Variants in SI observed in about 807,000 individuals in gnomAD.
The protein encoded by SI is sucrase-isomaltase, intestinal.
In SI, 235 loss-of-function variants were observed where a neutral mutation model predicts 253.3. That is an observed-to-expected ratio of 0.93 (90% CI 0.83 to 1.03). SI has a LOEUF of 1.03. SI is among the 50% of genes least tolerant of loss of function. SI has a pLI of 0.00. For synonymous variants in SI, 819 were observed against 712.0 expected (o/e 1.15, Z -2.39); for missense variants, 2,442 against 2,211.1 (o/e 1.10, Z -2.09).
At chr3:165,089,944 T>C in the SI span, among the ~76,000 whole-genome samples, 4 of 151,728 alleles carry the variant, frequency 2.6e-5, no homozygotes, top group South Asian at 2.1e-4. Context: ...AAGACAGAGA[T>C]TGAGGCAAGA....
chr3:164,985,000 A>G (rs1306714084), intron 45 of SI, among the ~76,000 whole-genome samples: 1 of 152,182 alleles, frequency 6.6e-6, no homozygotes, highest in Non-Finnish European at 1.5e-5. Context: ...ATATACTGAT[A>G]TTGTGAAACA....
intron 2 of SI, 59 bp downstream of exon 2, chr3:165,075,836 T>G: frequency 1.0e-6 from 1 of 990,436 alleles, no homozygotes. Context: ...ATAACTATTG[T>G]GGAGTAACTT....
intron 13 of SI, 122 bp downstream of exon 13, chr3:165,055,072 T>C (rs932163771): frequency 9.3e-6 from 6 of 647,742 alleles, no homozygotes; most frequent in African/African-American, 3.6e-5. Flanking sequence ...AAAAACATTA[T>C]AGTAGCTTTA....
chr3:165,051,046 A>T (rs1341650677), intron 13 of SI, among the ~76,000 whole-genome samples: 5 of 152,064 alleles, frequency 3.3e-5, no homozygotes, highest in Non-Finnish European at 7.4e-5. Flanking sequence ...TTTTTTAAAC[A>T]CATGTAATGG....
At chr3:165,047,351 T>C (rs192990879) in intron 15 of SI, among the ~76,000 whole-genome samples, 157 of 152,104 alleles carry the variant, frequency 1.0e-3, no homozygotes, top group African/African-American at 3.5e-3. Flanking sequence ...TCTCCTTGTC[T>C]TCTGCCATGA....
rs749129647 is a variant in SI at position 164,983,019 on chromosome 3, G to A, written c.5230C>T (p.Gln1744Ter). The A allele has an allele frequency of 6.5e-7, 1 of 1,546,788 alleles. No individual in the cohort carries two copies. Among genetic ancestry groups the A allele is most frequent in the Non-Finnish European group, 8.9e-7 (1 of 1,127,790 alleles). The change falls in exon 46 of 48, where the codon CAA (glutamine) becomes TAA (stop). Residue 1744 changes from glutamine to a stop codon, truncating the protein, a stop_gained. Transcript: ENST00000264382. LOFTEE classifies it high-confidence loss of function. ...TTACATACCTGGTTTAAATTAAATT[G>A]TACAGATAAATATAGGTCTCTTTCA... is the stretch of plus-strand genomic sequence containing the variant. ...TYERDLYLSVQFNLNQTTLTS... is the reference protein window; with the variant it reads ...TYERDLYLSV
rs1214759489 is a variant in SI, at chr3:165,007,725, GAA to G, written c.4267+184_4267+185del. ...GTGGTCCAGTGTGTGGGTGGGTAGT[GAA>G]AATTGGGTGTGTGAATCCTATTCCC... is the stretch of plus-strand genomic sequence containing the variant. On this transcript the variant is annotated intron_variant, in intron 36 of 47. Coordinates refer to ENST00000264382, the MANE Select transcript of SI (RefSeq NM_001041.4). Among the ~76,000 whole-genome samples, 11 of 150,762 alleles carry G rather than the reference GAA, an allele frequency of 7.3e-5. No individual in the cohort carries two copies. The South Asian group carries it at 2.3e-3, about 31-fold the overall frequency.
intron 45 of SI, among the ~76,000 whole-genome samples, chr3:164,986,333 GCCTAGAAATGTTA>G (rs1407747103): frequency 6.6e-6 from 1 of 152,108 alleles, no homozygotes. Context: ...TAGCTATAAA[GCCTAGAAATGTTA>G]CTCTCTTTTC....
chr3:164,999,369 T>C (rs1451643685), intron 37 of SI, among the ~76,000 whole-genome samples: 1 of 151,780 alleles, frequency 6.6e-6, no homozygotes, highest in Non-Finnish European at 1.5e-5. Flanking sequence ...ATCTGTTTTC[T>C]TCTATCTCCC....
chr3:165,036,370 G>T lies in SI; in HGVS notation c.2515+19C>A. 1.9e-6 allele frequency: 3 copies of T among 1,540,368 alleles called. No individual in the cohort carries two copies. In the South Asian group the frequency reaches 3.3e-5, roughly 17 times the overall value. On this transcript the variant is annotated intron_variant, in intron 22 of 47. Transcript: ENST00000264382. The stretch of plus-strand genomic sequence containing the variant: ...CATTATCAGAGTGAACATTTAAAGC[G>T]TATTACTTTCAGACTTACCTTTAGT...
chr3:165,049,691 T>C (rs542830448), intron 14 of SI, 100 bp downstream of exon 14: 6 of 727,102 alleles, frequency 8.3e-6, no homozygotes, highest in Non-Finnish European at 1.2e-5. Flanking sequence ...TTTAGAACTA[T>C]ACCAAAAATT....
rs1713337269 is a variant in SI at position 165,049,851 on chromosome 3, T to C, written c.1537A>G (p.Ile513Val). Residue 513 changes from isoleucine (I) to valine (V), a missense_variant, in exon 14 of 48, where the codon ATT becomes GTT. By Grantham distance (29) the Ile-to-Val change is conservative. Transcript: ENST00000264382. ...TTACATCCTTTTGTTGAACCTTGAA[T>C]AAAGCTGGAAACTTCATTCATGTCC... The part of the protein sequence containing the change: ...WIDMNEVSSF[I>V]QGSTKGCNVN... 1 of 1,607,672 alleles carries C rather than the reference T, an allele frequency of 6.2e-7. No individual in the cohort carries two copies. The highest frequency in any genetic ancestry group is 8.5e-7 in the Non-Finnish European group (1 of 1,174,876).
intron 15 of SI, among the ~76,000 whole-genome samples, chr3:165,048,006 CAT>C (rs1713213307): frequency 6.6e-6 from 1 of 151,942 alleles, no homozygotes; most frequent in African/African-American, 2.4e-5. Flanking sequence ...TATATTGAAA[CAT>C]AGCCTGTTTT....
intron 21 of SI, 59 bp downstream of exon 21, chr3:165,037,841 T>C: frequency 8.4e-7 from 1 of 1,192,452 alleles, no homozygotes; most frequent in Non-Finnish European, 1.2e-6. Context: ...TTAATGCAAA[T>C]ATGAAATATT....
chr3:165,049,735 C>A, intron 14 of SI, 56 bp downstream of exon 14: 2 of 987,950 alleles, frequency 2.0e-6, no homozygotes, highest in South Asian at 2.6e-5. Context: ...AATTACTAGT[C>A]AACTACAAAA....
At chr3:165,080,156 CA>C (rs1253505087), upstream of SI, among the ~76,000 whole-genome samples, 1 of 151,954 alleles carries the variant, frequency 6.6e-6, no homozygotes. Flanking sequence ...ATTTATGCAA[CA>C]ACATTGATAA....
chr3:165,062,606 A>C (rs187112220), intron 8 of SI, 123 bp from the exon 9 acceptor site: 1 of 617,802 alleles, frequency 1.6e-6, no homozygotes, highest in Non-Finnish European at 2.9e-6. Flanking sequence ...TAAATAATTA[A>C]GAAATAATGA....
chr3:165,007,083 C>G lies in SI; in HGVS notation c.4268-129G>C, dbSNP rs1438297050. 4.2e-6 allele frequency: 3 copies of G among 718,170 alleles called. No homozygotes were observed. The African/African-American group carries it at 5.4e-5, about 13-fold the overall frequency. 44.5% of individuals were successfully genotyped at this position (718,170 alleles called of 1,614,324 possible). A position where few individuals can be genotyped will look rare whatever the true frequency, so the allele number is the denominator to read the frequency against. On this transcript the variant is annotated intron_variant, in intron 36 of 47. Transcript: ENST00000264382. ...TTTATAAAACCTATGTATATTTTAA[C>G]CATTTGTATACTTTGTATGAGTTAA...
intron 16 of SI, among the ~76,000 whole-genome samples, chr3:165,044,939 A>C (rs556278405): frequency 6.6e-6 from 1 of 152,054 alleles, no homozygotes; most frequent in Admixed American, 6.6e-5. Flanking sequence ...GGTGTGAGAA[A>C]TTGACACATT....
Sources: allele counts gnomAD v4.1 joint callset (sites outside exome capture counted in the v4.1 genomes callset), GRCh38; gene constraint gnomAD v4.1.1; transcripts MANE v1.5; gene names NCBI Gene and HGNC (gene_info 2026-07-23, HGNC 2026-07-21).